The following ZGRF1 variants were observed in gnomAD, a reference collection of about 807,000 sequenced individuals.
The protein encoded by ZGRF1 is zinc finger GRF-type containing 1, also known as 5'-3' DNA helicase ZGRF1.
ZGRF1 carries 196 observed loss-of-function variants against 203.5 expected under a neutral mutation model. The ratio of observed to expected loss-of-function variants is 0.96; its 90% CI spans 0.86 to 1.08. The LOEUF is 1.08. Among genes scored for constraint, ZGRF1 ranks in the 50% least tolerant of loss-of-function variants. The probability of loss-of-function intolerance (pLI) is 0.00; values close to 1 mark genes in which losing one functional copy is unlikely to be tolerated. For synonymous variants in ZGRF1, 809 were observed against 841.3 expected (o/e 0.96, Z 0.66); for missense variants, 2,326 against 2,416.3 (o/e 0.96, Z 0.78).
intron 6 of ZGRF1, among the ~76,000 whole-genome samples, chr4:112,616,307 G>A (rs2046866808): frequency 6.6e-6 from 1 of 151,274 alleles, no homozygotes; most frequent in Admixed American, 6.6e-5. Context: ...ATCTCCTGAG[G>A]TCAAGAGTTC....
At position 112,562,290 on chromosome 4, in the gene ZGRF1, C is replaced by T. The variant is rs6838559; in HGVS notation, c.4697+81G>A. The T allele has an allele frequency of 4.0e-6, 3 of 751,806 alleles. No homozygotes were observed. In the East Asian group the frequency reaches 8.1e-5, roughly 20 times the overall value. 46.6% of individuals were successfully genotyped at this position (751,806 alleles called of 1,614,324 possible). A position where few individuals can be genotyped will look rare whatever the true frequency, so the allele number is the denominator to read the frequency against. ...CAATTTTATTGGCAACATTTATATACTGTACTTTTATTGAATTTTCATATT... is the reference window on the plus strand; with the variant it reads ...CAATTTTATTGGCAACATTTATATATTGTACTTTTATTGAATTTTCATATT... On this transcript the variant is annotated intron_variant, in intron 18 of 27. Coordinates refer to ENST00000505019, the MANE Select transcript of ZGRF1 (RefSeq NM_018392.5).
In ZGRF1 at chr4:112,617,453, A is replaced by T. The variant is rs747664742; in HGVS notation, c.2589T>A (p.Asp863Glu). 28 of 1,550,814 alleles carry T rather than the reference A, an allele frequency of 1.8e-5. No homozygotes were observed. The highest frequency in any genetic ancestry group is 2.8e-5 in the African/African-American group (2 of 72,356). ...TGCAATTCTAACCTTCAGGAGGGCT[A>T]TCTGGCTCATACGTCTGTTGAGTTC... ...QQGTQQTYEP[D>E]SPPEVRKPFI... is the part of the protein sequence containing the mutation. Residue 863 changes from aspartate (D) to glutamate (E), a missense_variant, in exon 6 of 28, where the codon GAT (aspartate) becomes GAA (glutamate). Coordinates refer to ENST00000505019, the MANE Select transcript of ZGRF1 (RefSeq NM_018392.5).
intron 3 of ZGRF1, among the ~76,000 whole-genome samples, chr4:112,627,583 T>C (rs1184802927): frequency 6.6e-6 from 1 of 152,058 alleles, no homozygotes; most frequent in Non-Finnish European, 1.5e-5. Context: ...CTACCAAAAA[T>C]ACAAAAATTA....
At position 112,619,667 on chromosome 4, in the gene ZGRF1, A is replaced by G; in HGVS notation, c.375T>C (p.Val125=). 2 of 1,610,328 alleles carry G rather than the reference A, an allele frequency of 1.2e-6. No individual in the cohort carries two copies. The highest frequency in any genetic ancestry group is 1.7e-6 in the Non-Finnish European group (2 of 1,178,592). The change falls in exon 6 of 28, where the codon GTT becomes GTC. Residue 125 remains valine, a synonymous_variant. Coordinates refer to ENST00000505019, the MANE Select transcript of ZGRF1 (RefSeq NM_018392.5). ...KFTGFQGPRQ[V]PKKMVIMESG... ...TTTCCATAATAACCATTTTCTTTGG[A>G]ACCTGACGTGGTCCTTGAAAACCCT...
chr4:112,540,260 G>A (rs1376342662), intron 26 of ZGRF1, 136 bp from the exon 27 acceptor site: 38 of 530,762 alleles, frequency 7.2e-5, no homozygotes, highest in Non-Finnish European at 3.0e-5. Flanking sequence ...ACATAGACTT[G>A]GCTAGTTTCT....
intron 9 of ZGRF1, 72 bp from the exon 10 acceptor site, chr4:112,603,769 C>A: frequency 8.6e-7 from 1 of 1,168,476 alleles, no homozygotes; most frequent in Non-Finnish European, 1.2e-6. Flanking sequence ...AGTAAACACA[C>A]AGAATACAAT....
At chr4:112,603,454 A>G (rs56165143) in intron 10 of ZGRF1, 70 bp downstream of exon 10, 15,179 of 1,114,664 alleles carry the variant, frequency 0.014, 132 homozygotes, top group Non-Finnish European at 0.016. Context: ...CAACTATACT[A>G]TTTTCACAAA....
intron 16 of ZGRF1, 53 bp downstream of exon 16, chr4:112,581,610 T>G: frequency 7.5e-7 from 1 of 1,340,236 alleles, no homozygotes; most frequent in African/African-American, 1.5e-5. Context: ...CAGCTGTATG[T>G]AATGGAGATA....
At chr4:112,562,744 A>C in intron 17 of ZGRF1, among the ~76,000 whole-genome samples, 1 of 152,258 alleles carries the variant, frequency 6.6e-6, no homozygotes, top group Admixed American at 6.5e-5. Flanking sequence ...CAAATGAACA[A>C]GAACACCTGT....
chr4:112,576,151 G>T (rs1404629728), intron 16 of ZGRF1, among the ~76,000 whole-genome samples: 1 of 152,228 alleles, frequency 6.6e-6, no homozygotes, highest in Non-Finnish European at 1.5e-5. Flanking sequence ...CTCCGCTGCT[G>T]ATACCCAGGC....
At chr4:112,546,434 G>GT (rs960590472) in intron 24 of ZGRF1, among the ~76,000 whole-genome samples, 1 of 152,030 alleles carries the variant, frequency 6.6e-6, no homozygotes, top group Admixed American at 6.6e-5. Flanking sequence ...AGAAAAAAAA[G>GT]TTTTTTTTAA....
chr4:112,554,069 ATACTTT>A (rs1740483249), intron 21 of ZGRF1, 87 bp from the exon 22 acceptor site: 1 of 1,242,530 alleles, frequency 8.0e-7, no homozygotes, highest in Non-Finnish European at 1.1e-6. Context: ...TTTTTTTATT[ATACTTT>A]AAGTTTTAGG....
At chr4:112,606,312 CA>C (rs1375313245) in intron 8 of ZGRF1, among the ~76,000 whole-genome samples, 1 of 152,208 alleles carries the variant, frequency 6.6e-6, no homozygotes, top group Non-Finnish European at 1.5e-5. Context: ...GAAAACTTAG[CA>C]CATTAGAAAA....
At chr4:112,572,085 G>A (rs1744311530) in intron 16 of ZGRF1, among the ~76,000 whole-genome samples, 1 of 151,986 alleles carries the variant, frequency 6.6e-6, no homozygotes, top group Non-Finnish European at 1.5e-5. Flanking sequence ...AAAAGAAAAA[G>A]ATGAAACTGG....
intron 20 of ZGRF1, among the ~76,000 whole-genome samples, chr4:112,555,714 A>G (rs1233593879): frequency 1.3e-5 from 2 of 152,196 alleles, no homozygotes; most frequent in African/African-American, 4.8e-5. Flanking sequence ...CCATTAATCA[A>G]TAGGAAAACA....
chr4:112,616,235 T>C (rs1255280081), intron 6 of ZGRF1, among the ~76,000 whole-genome samples: 1 of 151,876 alleles, frequency 6.6e-6, no homozygotes, highest in Non-Finnish European at 1.5e-5. Context: ...AACACAATTA[T>C]GGGGCTGGGT....
At chr4:112,570,332 T>TAA (rs1291980036) in intron 16 of ZGRF1, among the ~76,000 whole-genome samples, 1 of 152,210 alleles carries the variant, frequency 6.6e-6, no homozygotes, top group African/African-American at 2.4e-5. Context: ...CTCACGCCTG[T>TAA]AATCCTAGCA....
intron 23 of ZGRF1, 95 bp downstream of exon 23, chr4:112,548,158 C>T (rs1262801992): frequency 8.1e-6 from 9 of 1,114,868 alleles, no homozygotes; most frequent in African/African-American, 3.1e-5. Context: ...CCAAGCTGGT[C>T]GCAAACTCCT....
At chr4:112,551,341 T>A (rs1448193295) in intron 22 of ZGRF1, among the ~76,000 whole-genome samples, 1 of 152,238 alleles carries the variant, frequency 6.6e-6, no homozygotes, top group Non-Finnish European at 1.5e-5. Flanking sequence ...TTTCTCAGAA[T>A]GATATATGAC....
Sources: allele counts gnomAD v4.1 joint callset (sites outside exome capture counted in the v4.1 genomes callset), GRCh38; gene constraint gnomAD v4.1.1; transcripts MANE v1.5; gene names NCBI Gene and HGNC (gene_info 2026-07-23, HGNC 2026-07-21).